The following BBS5 variants were observed in gnomAD, a reference collection of about 807,000 sequenced individuals.
BBS5 encodes Bardet-Biedl syndrome 5, also known as BBSome complex member BBS5.
A neutral mutation model predicts 50.2 loss-of-function variants in BBS5; 39 were observed. The observed-to-expected ratio is 0.78, with a 90% CI of 0.60 to 1.01. The LOEUF (loss-of-function observed/expected upper bound fraction) is 1.01. Among genes scored for constraint, BBS5 ranks in the 50% least tolerant of loss-of-function variants. BBS5 has a pLI of 0.00. For synonymous variants in BBS5, 134 were observed against 133.1 expected (o/e 1.01, Z -0.05); for missense variants, 356 against 401.5 (o/e 0.89, Z 0.97).
rs564412855 is a variant in BBS5 at position 169,487,984 on chromosome 2, C to T, written c.259-3C>T. ...GAACTTTTAAATAAATTTGTCCTTA[C>T]AGAAATTACGAGGCCAAACTGAAGC... On this transcript the variant is annotated splice_polypyrimidine_tract_variant and splice_region_variant and intron_variant, in intron 4 of 11. Transcript: ENST00000295240. 87 of 1,613,370 alleles carry T rather than the reference C, an allele frequency of 5.4e-5. No individual in the cohort carries two copies. The highest frequency in any genetic ancestry group is 7.1e-5 in the Non-Finnish European group (84 of 1,179,690).
At chr2:169,483,760 T>G (rs946520082) in intron 2 of BBS5, among the ~76,000 whole-genome samples, 1 of 152,114 alleles carries the variant, frequency 6.6e-6, no homozygotes, top group Non-Finnish European at 1.5e-5. Context: ...AAAGTAATGC[T>G]TAGATCACAC....
At chr2:169,493,870 TG>T in intron 7 of BBS5, 34 bp downstream of exon 7, 4 of 1,366,220 alleles carry the variant, frequency 2.9e-6, no homozygotes, top group Non-Finnish European at 3.1e-6. Context: ...CTTATTTTAA[TG>T]TAAAATAAAT....
At chr2:169,489,611 T>C (rs1683554497) in intron 5 of BBS5, among the ~76,000 whole-genome samples, 1 of 151,032 alleles carries the variant, frequency 6.6e-6, no homozygotes, top group Non-Finnish European at 1.5e-5. Flanking sequence ...CAGGCTGTTT[T>C]GTTTTTATAT....
chr2:169,488,539 C>T (rs1034310262), intron 5 of BBS5, among the ~76,000 whole-genome samples: 12 of 152,234 alleles, frequency 7.9e-5, no homozygotes, highest in African/African-American at 2.9e-4. Flanking sequence ...TTTGCTTGCT[C>T]ACTCACCCCC....
At chr2:169,500,415 T>G (rs771882786) in intron 9 of BBS5, among the ~76,000 whole-genome samples, 13 of 152,332 alleles carry the variant, frequency 8.5e-5, no homozygotes, top group Non-Finnish European at 2.9e-5. Flanking sequence ...TCAGAGGTGC[T>G]CTTTCCATTT....
intron 2 of BBS5, among the ~76,000 whole-genome samples, chr2:169,483,988 C>T (rs543804500): frequency 6.6e-6 from 1 of 152,238 alleles, no homozygotes; most frequent in South Asian, 2.1e-4. Flanking sequence ...TTTTCGATTC[C>T]TCAGATATTC....
chr2:169,479,711 G>A, intron 1 of BBS5, 99 bp downstream of exon 1: 1 of 1,354,920 alleles, frequency 7.4e-7, no homozygotes, highest in South Asian at 1.2e-5. Flanking sequence ...CGCAGCTCGC[G>A]GCCCTGGTGA....
Position 169,490,650 on chromosome 2 carries a change from A to C in BBS5, c.387-2224A>C, listed in dbSNP as rs114124488. ...AATGGCTTAATTTTTTAATTGAGAT[A>C]TAATTCACATAAAATTTTACATAAC... On this transcript the variant is annotated intron_variant, in intron 5 of 11. Coordinates refer to ENST00000295240, the MANE Select transcript of BBS5 (RefSeq NM_152384.3). Among the ~76,000 whole-genome samples, 1,383 of 152,320 alleles carry C rather than the reference A, an allele frequency of 9.1e-3. 28 individuals carry two copies. The highest frequency in any genetic ancestry group is 0.031 in the African/African-American group (1,307 of 41,568).
At position 169,505,296 on chromosome 2, in the gene BBS5, C is replaced by T. The variant is rs111620696; in HGVS notation, c.*714C>T. 258 of 388,022 alleles carry T rather than the reference C, an allele frequency of 6.6e-4. No individual in the cohort carries two copies. Among genetic ancestry groups the T allele is most frequent in the African/African-American group, 4.8e-3 (227 of 47,744 alleles). 24.0% of individuals were successfully genotyped at this position (388,022 alleles called of 1,614,324 possible). On this transcript the variant is annotated 3_prime_UTR_variant, in exon 12 of 12. Transcript: ENST00000295240. Reference sequence around the variant, plus strand: ...GGCTGGAGTGCAGTGGCGTGATCTCCGCTCGCTACAACCTCCACCTCCCAG... The same window carrying T: ...GGCTGGAGTGCAGTGGCGTGATCTCTGCTCGCTACAACCTCCACCTCCCAG...
chr2:169,506,324 G>T lies in BBS5; in HGVS notation c.*1742G>T. On this transcript the variant is annotated 3_prime_UTR_variant, in exon 12 of 12. Transcript: ENST00000295240. ...TGTACCCAACAGCTCATTGAGAGCG[G>T]GCGATGATGACAGTGGCGGCTTTGT... 5.5e-6 allele frequency: 1 copy of T among 180,524 alleles called. No homozygotes were observed. The highest frequency in any genetic ancestry group is 1.1e-5 in the Non-Finnish European group (1 of 89,298). 11.2% of individuals were successfully genotyped at this position (180,524 alleles called of 1,614,324 possible).
intron 2 of BBS5, among the ~76,000 whole-genome samples, chr2:169,483,422 CTGAGATTACAGGCA>C (rs1420867580): frequency 6.6e-6 from 1 of 152,098 alleles, no homozygotes; most frequent in East Asian, 1.9e-4. Context: ...TCCCAAAGTG[CTGAGATTACAGGCA>C]TGAGCCACTG....
intron 2 of BBS5, among the ~76,000 whole-genome samples, chr2:169,484,809 ATAT>A (rs773556199): frequency 1.3e-5 from 2 of 152,178 alleles, no homozygotes; most frequent in African/African-American, 2.4e-5. Context: ...AAGAATTAAA[ATAT>A]TATATTAAAT....
chr2:169,484,662 T>C (rs1302514376), intron 2 of BBS5, among the ~76,000 whole-genome samples: 1 of 152,214 alleles, frequency 6.6e-6, no homozygotes, highest in Non-Finnish European at 1.5e-5. Flanking sequence ...CTTGAAATTA[T>C]CAGATTAACT....
chr2:169,499,659 T>C (rs1396982781), intron 9 of BBS5, 39 bp downstream of exon 9: 1 of 1,599,160 alleles, frequency 6.3e-7, no homozygotes, highest in Non-Finnish European at 8.6e-7. Flanking sequence ...TTGCATTGCT[T>C]TATGCAGTCT....
Position 169,499,610 on chromosome 2 carries a change from T to C in BBS5, c.806T>C (p.Met269Thr). The C allele has an allele frequency of 6.2e-7, 1 of 1,613,824 alleles. No homozygotes were observed. Among genetic ancestry groups the C allele is most frequent in the Non-Finnish European group, 8.5e-7 (1 of 1,179,768 alleles). ...CCCATATTTGGAGTTGATTATGAGA[T>C]GGAAGAAAAGGTAATTTGTTGAGTA... Reference protein sequence around the residue: ...ASPIFGVDYEMEEKPQPLEAL... With the variant: ...ASPIFGVDYETEEKPQPLEAL... Residue 269 changes from methionine (M) to threonine (T), a missense_variant, in exon 9 of 12, where the codon ATG becomes ACG. Met to Thr is a moderately conservative substitution (Grantham distance 81). Coordinates refer to ENST00000295240, the MANE Select transcript of BBS5 (RefSeq NM_152384.3).
intron 2 of BBS5, among the ~76,000 whole-genome samples, chr2:169,485,754 A>G (rs1683477418): frequency 2.0e-5 from 3 of 152,158 alleles, no homozygotes; most frequent in Admixed American, 6.5e-5. Context: ...GGTTCCTTGT[A>G]TACTCTGGCT....
At chr2:169,485,750 T>G (rs1683477362) in intron 2 of BBS5, among the ~76,000 whole-genome samples, 1 of 152,224 alleles carries the variant, frequency 6.6e-6, no homozygotes, top group South Asian at 2.1e-4. Flanking sequence ...TAAGGGTTCC[T>G]TGTATACTCT....
chr2:169,487,015 T>C (rs1239478502), intron 2 of BBS5, 54 bp from the exon 3 acceptor site: 1 of 1,207,066 alleles, frequency 8.3e-7, no homozygotes, highest in Non-Finnish European at 1.2e-6. Context: ...CATTCAGTGC[T>C]GCAAAAATGG....
At chr2:169,491,508 T>C (rs960520585) in intron 5 of BBS5, among the ~76,000 whole-genome samples, 1 of 152,238 alleles carries the variant, frequency 6.6e-6, no homozygotes, top group African/African-American at 2.4e-5. Context: ...AACTTTACTT[T>C]TGTTAAATAG....
Sources: allele counts gnomAD v4.1 joint callset (sites outside exome capture counted in the v4.1 genomes callset), GRCh38; gene constraint gnomAD v4.1.1; transcripts MANE v1.5; gene names NCBI Gene and HGNC (gene_info 2026-07-23, HGNC 2026-07-21).